The following PRKD2 variants were observed in gnomAD, a reference collection of about 807,000 sequenced individuals.
PRKD2 encodes serine/threonine-protein kinase D2.
A neutral mutation model predicts 86.0 loss-of-function variants in PRKD2; 22 were observed. The ratio of observed to expected loss-of-function variants is 0.26; its 90% CI spans 0.18 to 0.37. The LOEUF (loss-of-function observed/expected upper bound fraction) is 0.37. Ranked by LOEUF, PRKD2 falls within the 10% of genes least tolerant of loss-of-function variation. The pLI is 1.00. For synonymous variants in PRKD2, 509 were observed against 510.9 expected, an observed-to-expected ratio of 1.00 and a Z score of 0.05; for missense variants, 818 against 1,199.2, an observed-to-expected ratio of 0.68 and a Z score of 4.70.
At position 46,674,563 on chromosome 19, in the gene PRKD2, T is replaced by C. The variant is rs1365976163; in HGVS notation, c.2597A>G (p.His866Arg). ...GCGCTCCGCCAGCCCCTGCATGTCGTGGTCCTGTGGTGGACAGGCCCCACC... is the reference window on the plus strand; with the variant it reads ...GCGCTCCGCCAGCCCCTGCATGTCGCGGTCCTGTGGTGGACAGGCCCCACC... ...DLGGACPPQD[H>R]DMQGLAERIS... Residue 866 changes from histidine (H) to arginine (R), a missense_variant, in exon 18 of 18, where the codon CAC becomes CGC. Physicochemically the swap from His to Arg is conservative, Grantham distance 29 (BLOSUM62 0). Coordinates refer to ENST00000291281, the MANE Select transcript of PRKD2 (RefSeq NM_016457.5). 1 of 1,612,916 alleles carries C rather than the reference T, an allele frequency of 6.2e-7. No homozygotes were observed. The highest frequency in any genetic ancestry group is 1.7e-5 in the Admixed American group (1 of 60,012).
In PRKD2 at chr19:46,678,574, G is replaced by C; in HGVS notation, c.2160C>G (p.Pro720=). 1 of 1,614,026 alleles carries C rather than the reference G, an allele frequency of 6.2e-7. No individual in the cohort carries two copies. Among genetic ancestry groups the C allele is most frequent in the African/African-American group, 1.3e-5 (1 of 75,052 alleles). ...SVVGTPAYLA[P]EVLLNQGYNR... ...TGTAGCCCTGGTTGAGCAGCACCTCGGGTGCCAGGTAGGCCGGCGTGCCCA... is the reference window on the plus strand; with the variant it reads ...TGTAGCCCTGGTTGAGCAGCACCTCCGGTGCCAGGTAGGCCGGCGTGCCCA... Residue 720 remains proline (P), a synonymous_variant, in exon 16 of 18, where the codon CCC becomes CCG. Transcript: ENST00000291281. The surrounding 1 kb of genome is among the most constrained non-coding windows in gnomAD (Gnocchi z 5.7).
Position 46,716,186 on chromosome 19 carries a change from G to T in PRKD2, c.185C>A (p.Ala62Asp), listed in dbSNP as rs146804334. 6.2e-6 allele frequency: 10 copies of T among 1,611,324 alleles called. No homozygotes were observed. In the African/African-American group the frequency reaches 8.0e-5, roughly 13 times the overall value. The change falls in exon 1 of 18, where the codon GCC becomes GAC. Residue 62 changes from alanine to aspartate, a missense_variant. Ala to Asp is a moderately radical substitution (Grantham distance 126). Around this residue, in one of 5 missense-constraint regions of PRKD2, gnomAD observed 403 missense variants for 518.6 expected, o/e 0.78. Coordinates refer to ENST00000291281, the MANE Select transcript of PRKD2 (RefSeq NM_016457.5). The surrounding 1 kb of genome is among the most constrained non-coding windows in gnomAD (Gnocchi z 7.9). ...CTTCACATGAGCCAGCTCGGAGGCG[G>T]CGGGCAACAGCACGAACTCGCGGGT... ...GLTREFVLLP[A>D]ASELAHVKQL...
intron 12 of PRKD2, 53 bp downstream of exon 12, chr19:46,691,682 G>T: frequency 1.9e-6 from 3 of 1,563,706 alleles, no homozygotes; most frequent in Non-Finnish European, 2.6e-6. Context: ...TGGAGCCACA[G>T]CAGCTTCCCC....
rs905441970 is a variant in PRKD2 at position 46,704,112 on chromosome 19, G to C, written c.889+57C>G. On this transcript the variant is annotated intron_variant, in intron 5 of 17. Transcript: ENST00000291281. Reference sequence around the variant, plus strand: ...TCCTTGTGTCCTGCCACAAGACCAGGTTGGGGCGGGAAGGAGGTTCTGACC... The same window carrying C: ...TCCTTGTGTCCTGCCACAAGACCAGCTTGGGGCGGGAAGGAGGTTCTGACC... The C allele has an allele frequency of 7.5e-6, 12 of 1,604,888 alleles. No homozygotes were observed. In the African/African-American group the frequency reaches 1.6e-4, roughly 21 times the overall value.
At chr19:46,701,763 G>A (rs2053638538) in intron 5 of PRKD2, among the ~76,000 whole-genome samples, 1 of 151,834 alleles carries the variant, frequency 6.6e-6, no homozygotes, top group South Asian at 2.1e-4. Flanking sequence ...CAGTGCCCAG[G>A]ATAATTCCTT....
intron 9 of PRKD2, 58 bp downstream of exon 9, chr19:46,697,099 T>C: frequency 7.4e-7 from 1 of 1,358,332 alleles, no homozygotes; most frequent in Non-Finnish European, 1.1e-6. Flanking sequence ...GGAGGAGGTG[T>C]GGGAAAGTTT....
At chr19:46,696,595 T>C (rs933054226) in intron 9 of PRKD2, among the ~76,000 whole-genome samples, 2 of 151,942 alleles carry the variant, frequency 1.3e-5, no homozygotes, top group African/African-American at 4.8e-5. Context: ...CCGTCTCTAC[T>C]AAAAATACAA....
intron 3 of PRKD2, among the ~76,000 whole-genome samples, chr19:46,706,443 C>A (rs893496246): frequency 1.3e-5 from 2 of 152,170 alleles, no homozygotes; most frequent in Non-Finnish European, 2.9e-5. Context: ...GTTGGCCCTG[C>A]AAGAAGAGCT....
At chr19:46,681,024 G>A (rs536240958) in intron 15 of PRKD2, among the ~76,000 whole-genome samples, 1 of 145,638 alleles carries the variant, frequency 6.9e-6, no homozygotes, top group Admixed American at 7.1e-5. Context: ...CGTGATCTCG[G>A]CTAACTGCAA....
chr19:46,674,500 C>A lies in PRKD2; in HGVS notation c.*23G>T. On this transcript the variant is annotated 3_prime_UTR_variant, in exon 18 of 18. Coordinates refer to ENST00000291281, the MANE Select transcript of PRKD2 (RefSeq NM_016457.5). ...TGTGAAGAACCGCTGTGGAGGGCAGCAGCTGGACGAGGGCACAGGACCTCA... is the reference window on the plus strand; with the variant it reads ...TGTGAAGAACCGCTGTGGAGGGCAGAAGCTGGACGAGGGCACAGGACCTCA... 6.3e-7 allele frequency: 1 copy of A among 1,598,150 alleles called. No homozygotes were observed.
intron 9 of PRKD2, among the ~76,000 whole-genome samples, chr19:46,694,883 C>T (rs533922026): frequency 6.6e-6 from 1 of 151,916 alleles, no homozygotes; most frequent in African/African-American, 2.4e-5. Flanking sequence ...CCAGCCTGGG[C>T]AACACAGTGA....
Position 46,678,687 on chromosome 19 carries a change from C to T in PRKD2, c.2071-24G>A. ...ACCTGCAGAGGGCAAGGGATGGAGG[C>T]TCCACCAGGTGATGGAGCCGCACCC... On this transcript the variant is annotated intron_variant, in intron 15 of 17. Transcript: ENST00000291281. This position sits in a 1 kb window ranked among gnomAD's most constrained non-coding sequence, Gnocchi z 5.7. The T allele has an allele frequency of 1.3e-6, 2 of 1,593,236 alleles. No homozygotes were observed. Among genetic ancestry groups the T allele is most frequent in the Non-Finnish European group, 1.7e-6 (2 of 1,174,376 alleles).
Position 46,678,350 on chromosome 19 carries a change from C to T in PRKD2, c.2338+46G>A. The T allele has an allele frequency of 6.3e-7, 1 of 1,599,980 alleles. No homozygotes were observed. Among genetic ancestry groups the T allele is most frequent in the Non-Finnish European group, 8.5e-7 (1 of 1,174,698 alleles). On this transcript the variant is annotated intron_variant, in intron 16 of 17. Transcript: ENST00000291281. This position sits in a 1 kb window ranked among gnomAD's most constrained non-coding sequence, Gnocchi z 5.7. ...CATGGCTCCGCCCACTTCTCCAGCCCCACCCCACAACCCACCCGCCCATGG... is the reference window on the plus strand; with the variant it reads ...CATGGCTCCGCCCACTTCTCCAGCCTCACCCCACAACCCACCCGCCCATGG...
chr19:46,695,675 A>C (rs56010181), intron 9 of PRKD2, among the ~76,000 whole-genome samples: 14,145 of 152,086 alleles, frequency 0.093, 832 homozygotes, highest in Non-Finnish European at 0.13. Flanking sequence ...GGCTGAGGGG[A>C]CCCAGGCGGG....
intron 14 of PRKD2, 54 bp downstream of exon 14, chr19:46,689,483 C>T: frequency 6.5e-7 from 1 of 1,547,028 alleles, no homozygotes; most frequent in Non-Finnish European, 8.7e-7. Flanking sequence ...CAGGGCCTCT[C>T]CAAGCTGACA....
intron 2 of PRKD2, among the ~76,000 whole-genome samples, chr19:46,711,896 C>T (rs694273): frequency 0.1 from 15,290 of 150,838 alleles, 934 homozygotes; most frequent in Non-Finnish European, 0.13. Context: ...GATGAAACCC[C>T]GTCTCTACTA....
At chr19:46,681,249 C>A (rs1453245885) in intron 15 of PRKD2, among the ~76,000 whole-genome samples, 1 of 149,034 alleles carries the variant, frequency 6.7e-6, no homozygotes, top group Non-Finnish European at 1.5e-5. Flanking sequence ...AGCCACCGCA[C>A]CCAGTCTTTT....
intron 14 of PRKD2, chr19:46,685,634 C>T (rs1317952307): frequency 6.6e-6 from 1 of 152,312 alleles, no homozygotes; most frequent in African/African-American, 2.4e-5. Context: ...CTGTGAGAAC[C>T]ATGATTCCTT....
At chr19:46,697,690 C>T in intron 8 of PRKD2, 43 bp downstream of exon 8, 1 of 1,564,688 alleles carries the variant, frequency 6.4e-7, no homozygotes, top group Non-Finnish European at 8.8e-7. Context: ...GCCCCTCTTC[C>T]AGCCTTCGCT....
Sources: allele counts gnomAD v4.1 joint callset (sites outside exome capture counted in the v4.1 genomes callset), GRCh38; gene constraint gnomAD v4.1.1; regional missense constraint gnomAD v4.1.1; non-coding constraint Gnocchi (gnomAD v3.1); transcripts MANE v1.5; gene names NCBI Gene and HGNC (gene_info 2026-07-23, HGNC 2026-07-21).